Variants in RFX2 observed in about 807,000 individuals in gnomAD.
The protein encoded by RFX2 is DNA-binding protein RFX2.
A neutral mutation model predicts 87.8 loss-of-function variants in RFX2; 20 were observed. That is an observed-to-expected ratio of 0.23 (90% CI 0.16 to 0.33). The LOEUF (loss-of-function observed/expected upper bound fraction) is 0.33. RFX2 is among the 10% of genes least tolerant of loss of function. RFX2 has a pLI of 1.00. For missense variants in RFX2, 767 were observed against 1,012.3 expected (o/e 0.76, Z 3.29); for synonymous variants, 397 against 431.3 (o/e 0.92, Z 0.98).
At chr19:6,006,320 A>T (rs920117020) in intron 12 of RFX2, among the ~76,000 whole-genome samples, 2 of 151,674 alleles carry the variant, frequency 1.3e-5, no homozygotes, top group Middle Eastern at 3.2e-3. Context: ...ACACCACACC[A>T]GCTAATTTTT....
At chr19:6,103,656 C>T (rs1326214251) in intron 1 of RFX2, among the ~76,000 whole-genome samples, 2 of 152,182 alleles carry the variant, frequency 1.3e-5, no homozygotes, top group Non-Finnish European at 2.9e-5. Flanking sequence ...CATGCCACAA[C>T]CAAGATGTAG....
At chr19:6,073,358 T>C (rs10419786) in intron 1 of RFX2, 39,727 of 1,327,162 alleles carry the variant, frequency 0.03, 2,564 homozygotes, top group African/African-American at 0.26. Context: ...CTTCCGGAAG[T>C]TCCTGGTCCC....
chr19:6,008,465 T>G (rs1401340184), intron 9 of RFX2, among the ~76,000 whole-genome samples: 1 of 151,160 alleles, frequency 6.6e-6, no homozygotes, highest in African/African-American at 2.4e-5. Context: ...CTCCAGCTCC[T>G]GGGATCAAGC....
At chr19:6,093,202 T>C (rs2087968398) in intron 1 of RFX2, among the ~76,000 whole-genome samples, 1 of 152,162 alleles carries the variant, frequency 6.6e-6, no homozygotes, top group Admixed American at 6.6e-5. Flanking sequence ...TACTGCAGCA[T>C]TGGCGGTAAA....
At chr19:6,031,609 T>C (rs1393031046) in intron 5 of RFX2, among the ~76,000 whole-genome samples, 3 of 151,818 alleles carry the variant, frequency 2.0e-5, no homozygotes, top group Admixed American at 2.0e-4. Flanking sequence ...TTTGTATTTT[T>C]AGTCGAGGTG....
At chr19:6,073,389 T>C (rs2087637428) in intron 1 of RFX2, 1 of 1,147,324 alleles carries the variant, frequency 8.7e-7, no homozygotes. Flanking sequence ...GAGCTGGAAG[T>C]GCTGATGTGC....
intron 1 of RFX2, among the ~76,000 whole-genome samples, chr19:6,071,065 A>G (rs1157712969): frequency 6.6e-6 from 1 of 152,152 alleles, no homozygotes; most frequent in Non-Finnish European, 1.5e-5. Flanking sequence ...AAATTTGCCA[A>G]ATGGCTAATC....
At chr19:6,046,417 C>T (rs2087189864) in intron 2 of RFX2, among the ~76,000 whole-genome samples, 1 of 151,876 alleles carries the variant, frequency 6.6e-6, no homozygotes, top group Admixed American at 6.6e-5. Context: ...CTCGTCTCTA[C>T]TAAAAATACA....
rs1484617104 is a variant in RFX2, at chr19:6,083,323, C to T, written c.-9+27070G>A. On this transcript the variant is annotated intron_variant, in intron 1 of 17. Transcript: ENST00000303657. The surrounding 1 kb of genome is among the most constrained non-coding windows in gnomAD (Gnocchi z 4.6). The stretch of plus-strand genomic sequence containing the variant: ...ACTGCCTTAAATTTTGCATCCCAGG[C>T]GAGGGCCTCACTGCCTCATGCTAGT... 2.6e-5 allele frequency among the ~76,000 whole-genome samples: 4 copies of T among 152,152 alleles called. No individual in the cohort carries two copies. Among genetic ancestry groups the T allele is most frequent in the Non-Finnish European group, 4.4e-5 (3 of 68,042 alleles).
chr19:6,070,460 G>T (rs80001830), intron 1 of RFX2, among the ~76,000 whole-genome samples: 11,307 of 152,078 alleles, frequency 0.074, 454 homozygotes, highest in Middle Eastern at 0.1. Context: ...TCAATAGCTG[G>T]CTGCTGGGGG....
Position 6,016,721 on chromosome 19 carries a change from G to A in RFX2, c.598-450C>T, listed in dbSNP as rs2086730732. 6.6e-6 allele frequency among the ~76,000 whole-genome samples: 1 copy of A among 152,176 alleles called. No individual in the cohort carries two copies. The highest frequency in any genetic ancestry group is 1.9e-4 in the East Asian group (1 of 5,198). On this transcript the variant is annotated intron_variant, in intron 6 of 17. Coordinates refer to ENST00000303657, the MANE Select transcript of RFX2 (RefSeq NM_000635.4). The surrounding 1 kb of genome is among the most constrained non-coding windows in gnomAD (Gnocchi z 5.4). ...TCCATCTTTATGGTCACTGATTTGA[G>A]TTCTCTAAGCAGATTAATGAATCCC... is the stretch of plus-strand genomic sequence containing the variant.
In RFX2 at chr19:6,042,123, C is replaced by T. The variant is rs1231187759; in HGVS notation, c.181G>A (p.Val61Met). The T allele has an allele frequency of 2.5e-6, 4 of 1,613,610 alleles. No individual in the cohort carries two copies. The African/African-American group carries it at 5.3e-5, about 22-fold the overall frequency. Residue 61 changes from valine to methionine, a missense_variant and splice_region_variant, in exon 4 of 18, where the codon GTG (valine) becomes ATG (methionine). Val to Met is a conservative substitution (Grantham distance 21, BLOSUM62 1). Transcript: ENST00000303657. ...GGATACACGTGCTGCACCGGCTGCA[C>T]CTGAAACATCGGATACGCTGCGTTA... ...LPRVQQVPQQ[V>M]QPVQHVYPAQ...
chr19:6,035,955 T>C (rs1415643760), intron 5 of RFX2, among the ~76,000 whole-genome samples: 1 of 151,614 alleles, frequency 6.6e-6, no homozygotes, highest in Non-Finnish European at 1.5e-5. Context: ...GCAACCCACA[T>C]AACAAACCAC....
intron 1 of RFX2, chr19:6,068,454 A>G (rs2087544729): frequency 6.6e-6 from 1 of 152,224 alleles, no homozygotes; most frequent in African/African-American, 2.4e-5. Context: ...GTCAGATGAC[A>G]CCCTATATCA....
chr19:6,073,502 G>A lies in RFX2; in HGVS notation c.-8-25998C>T, dbSNP rs1393538418. ...TGCCGTCAGAGTCACCAACCCCAAT[G>A]CCAGGCTGCGCAGTGAAGAAAATGA... is the stretch of plus-strand genomic sequence containing the variant. On this transcript the variant is annotated intron_variant, in intron 1 of 17. Transcript: ENST00000303657. 3.8e-6 allele frequency: 3 copies of A among 779,606 alleles called. No homozygotes were observed. The African/African-American group carries it at 5.6e-5, about 15-fold the overall frequency. 48.3% of individuals were successfully genotyped at this position (779,606 alleles called of 1,614,324 possible).
At chr19:6,094,446 A>G (rs982269757) in intron 1 of RFX2, among the ~76,000 whole-genome samples, 6 of 152,152 alleles carry the variant, frequency 3.9e-5, no homozygotes, top group African/African-American at 1.4e-4. Context: ...AAAATGGACA[A>G]CGCTGAGGTC....
chr19:5,997,146 G>A lies in RFX2; in HGVS notation c.1927C>T (p.Leu643=). ...TAGAACATGTACTCGTCGTAGAGCA[G>A]GCGGATGAGGTGGAAGGAGCCGAAG... ...ASFGSFHLIR[L]LYDEYMFYLV... is the part of the protein sequence containing the mutation. The change falls in exon 16 of 18, where the codon CTG becomes TTG. Residue 643 remains leucine (L), a synonymous_variant. Coordinates refer to ENST00000303657, the MANE Select transcript of RFX2 (RefSeq NM_000635.4). The surrounding 1 kb of genome is among the most constrained non-coding windows in gnomAD (Gnocchi z 4.2). 2 of 1,613,752 alleles carry A rather than the reference G, an allele frequency of 1.2e-6. No individual in the cohort carries two copies. The highest frequency in any genetic ancestry group is 1.7e-6 in the Non-Finnish European group (2 of 1,180,008).
intron 1 of RFX2, among the ~76,000 whole-genome samples, chr19:6,098,657 C>G (rs1251673813): frequency 6.6e-6 from 1 of 151,912 alleles, no homozygotes; most frequent in Admixed American, 6.6e-5. Flanking sequence ...AGACTTTCTC[C>G]TCAGCCTACT....
In RFX2 at chr19:6,061,401, C is replaced by T. The variant is rs1411782590; in HGVS notation, c.-8-13897G>A. Among the ~76,000 whole-genome samples the T allele has an allele frequency of 2.6e-5, 4 of 152,120 alleles. No individual in the cohort carries two copies. Among genetic ancestry groups the T allele is most frequent in the African/African-American group, 7.2e-5 (3 of 41,398 alleles). On this transcript the variant is annotated intron_variant, in intron 1 of 17. Coordinates refer to ENST00000303657, the MANE Select transcript of RFX2 (RefSeq NM_000635.4). The surrounding 1 kb of genome is among the most constrained non-coding windows in gnomAD (Gnocchi z 5.2). ...CCAAGGTGGGGGTTCCAGACCATTT[C>T]GATGTCGAAAAGGTCTGCTGTCTGT...
Sources: allele counts gnomAD v4.1 joint callset (sites outside exome capture counted in the v4.1 genomes callset), GRCh38; gene constraint gnomAD v4.1.1; non-coding constraint Gnocchi (gnomAD v3.1); transcripts MANE v1.5; gene names NCBI Gene and HGNC (gene_info 2026-07-23, HGNC 2026-07-21).